The following ARSG variants were observed in gnomAD, a reference collection of about 807,000 sequenced individuals.
The protein encoded by ARSG is ASG.
A neutral mutation model predicts 50.5 loss-of-function variants in ARSG; 37 were observed. The ratio of observed to expected loss-of-function variants is 0.73; its 90% CI spans 0.56 to 0.96. The LOEUF is 0.96. Among genes scored for constraint, ARSG ranks in the 50% least tolerant of loss-of-function variants. The pLI, the probability that ARSG is intolerant of heterozygous loss-of-function variation, is 0.00. For missense variants in ARSG, 629 were observed against 675.3 expected (o/e 0.93, Z 0.76); for synonymous variants, 225 against 254.6 (o/e 0.88, Z 1.11).
intron 7 of ARSG, 41 bp from the exon 8 acceptor site, chr17:68,370,403 C>T (rs1223462920): frequency 6.3e-7 from 1 of 1,599,372 alleles, no homozygotes; most frequent in Non-Finnish European, 8.6e-7. Flanking sequence ...CGAAAGTGTC[C>T]AACCAGCCTG....
upstream of ARSG, among the ~76,000 whole-genome samples, chr17:68,288,517 G>A (rs886098261): frequency 1.3e-4 from 20 of 152,228 alleles, no homozygotes; most frequent in African/African-American, 4.3e-4. Flanking sequence ...CTGGTGAGGC[G>A]AGCTGAGTCA....
chr17:68,426,678 G>C (rs1412047685), downstream of ARSG, among the ~76,000 whole-genome samples: 2 of 152,108 alleles, frequency 1.3e-5, no homozygotes, highest in African/African-American at 4.8e-5. Context: ...GATTGCAAGT[G>C]TGTGCCAACA....
intron 10 of ARSG, among the ~76,000 whole-genome samples, chr17:68,397,080 C>T (rs1369791452): frequency 6.6e-6 from 1 of 152,170 alleles, no homozygotes; most frequent in African/African-American, 2.4e-5. Flanking sequence ...GGAGCCAGCT[C>T]CTTCATGTAC....
At chr17:68,408,011 C>CT (rs77397594) in intron 11 of ARSG, among the ~76,000 whole-genome samples, 4,508 of 129,706 alleles carry the variant, frequency 0.035, 223 homozygotes, top group African/African-American at 0.11. Flanking sequence ...CTGTGGGTTT[C>CT]TTTTTTTTTT....
intron 1 of ARSG, chr17:68,278,168 G>A (rs1555751614): frequency 6.2e-7 from 1 of 1,613,938 alleles, no homozygotes; most frequent in Non-Finnish European, 8.5e-7. Flanking sequence ...TGTCCATTAA[G>A]TCATTAAAGA....
At chr17:68,332,871 A>C (rs2077837078) in intron 2 of ARSG, among the ~76,000 whole-genome samples, 1 of 152,228 alleles carries the variant, frequency 6.6e-6, no homozygotes. Flanking sequence ...AAGAGACAAC[A>C]CCAGTAAGCT....
rs1168357106 is a variant in ARSG, at chr17:68,331,241, C to CTTTG, written c.219-12360_219-12359insGTTT. On this transcript the variant is annotated intron_variant, in intron 2 of 11. Coordinates refer to ENST00000621439, the MANE Select transcript of ARSG (RefSeq NM_001267727.2). The stretch of plus-strand genomic sequence containing the variant: ...TCTTTCTTTCTTTCTTTGTTTCTTT[C>CTTTG]TTTCTTTCTTTCTTTCTTTCTTTTT... Among the ~76,000 whole-genome samples, 24 of 82,610 alleles carry CTTTG rather than the reference C, an allele frequency of 2.9e-4. 1 individual carries two copies. The highest frequency in any genetic ancestry group is 4.2e-4 in the South Asian group (1 of 2,402). The allele number at this position is 82,610 out of a possible 152,430, so 54.2% of individuals were successfully genotyped here.
chr17:68,296,929 A>G (rs1439143249), intron 1 of ARSG, among the ~76,000 whole-genome samples: 1 of 152,348 alleles, frequency 6.6e-6, no homozygotes, highest in Admixed American at 6.5e-5. Context: ...GTTGAGGGGA[A>G]TGATGAGATG....
Position 68,368,569 on chromosome 17 carries a change from G to A in ARSG, c.726G>A (p.Leu242=). Residue 242 remains leucine, a synonymous_variant, in exon 7 of 12, where the codon CTG becomes CTA. Transcript: ENST00000621439. ...TCAGCACCAGCGGGAGGCCCTTCCT[G>A]CTCTATGTGGCTCTGGCCCACATGC... is the stretch of plus-strand genomic sequence containing the variant. ...QRASTSGRPF[L]LYVALAHMHV... 6.2e-7 allele frequency: 1 copy of A among 1,614,002 alleles called. No homozygotes were observed. The highest frequency in any genetic ancestry group is 8.5e-7 in the Non-Finnish European group (1 of 1,179,998).
At chr17:68,316,260 C>T (rs998024533) in intron 2 of ARSG, among the ~76,000 whole-genome samples, 8 of 152,178 alleles carry the variant, frequency 5.3e-5, no homozygotes, top group Non-Finnish European at 1.0e-4. Flanking sequence ...CTTTCCTGAC[C>T]GTGCTCTCCA....
intron 7 of ARSG, among the ~76,000 whole-genome samples, chr17:68,370,025 TA>T (rs1418844358): frequency 6.6e-6 from 1 of 152,174 alleles, no homozygotes; most frequent in Non-Finnish European, 1.5e-5. Flanking sequence ...TATATTTATT[TA>T]TTTTTTTAGA....
At chr17:68,352,116 A>AG (rs1210937402) in intron 5 of ARSG, among the ~76,000 whole-genome samples, 33 of 68,254 alleles carry the variant, frequency 4.8e-4, no homozygotes, top group Middle Eastern at 8.1e-3. Flanking sequence ...AGAGAGAGAC[A>AG]GAGGAGAGAG....
At chr17:68,296,120 A>G (rs2076198285) in intron 1 of ARSG, among the ~76,000 whole-genome samples, 1 of 152,174 alleles carries the variant, frequency 6.6e-6, no homozygotes, top group Non-Finnish European at 1.5e-5. Context: ...TTTAAATCAC[A>G]TTACATTTAG....
At chr17:68,397,840 C>T (rs371297047) in intron 10 of ARSG, among the ~76,000 whole-genome samples, 3 of 152,150 alleles carry the variant, frequency 2.0e-5, no homozygotes, top group African/African-American at 7.2e-5. Flanking sequence ...AATCTTGGCT[C>T]ACTGCAACCT....
At chr17:68,358,273 C>T (rs538120017) in intron 6 of ARSG, among the ~76,000 whole-genome samples, 5 of 152,080 alleles carry the variant, frequency 3.3e-5, no homozygotes, top group African/African-American at 4.8e-5. Flanking sequence ...GGGCTGTGTG[C>T]GGTGGCTCCT....
chr17:68,369,155 C>T (rs1014929104), intron 7 of ARSG, among the ~76,000 whole-genome samples: 11 of 152,192 alleles, frequency 7.2e-5, no homozygotes, highest in Admixed American at 7.2e-4. Context: ...GCTGAGTGGC[C>T]TTAGCGAGCT....
intron 11 of ARSG, 32 bp downstream of exon 11, chr17:68,401,482 A>C: frequency 6.2e-7 from 1 of 1,602,558 alleles, no homozygotes. Context: ...CCTGCCTCCC[A>C]CAGTCACAGC....
intron 8 of ARSG, among the ~76,000 whole-genome samples, chr17:68,384,644 T>C (rs570624048): frequency 2.0e-4 from 30 of 152,348 alleles, no homozygotes; most frequent in African/African-American, 6.0e-4. Context: ...TTCTTCATCC[T>C]AAACAGACAG....
rs781920049 is a variant in ARSG at position 68,307,460 on chromosome 17, C to T, written c.-34C>T. ...AAAAATCTCTAGTGGTGGCTGCCGT[C>T]GCTCCAGACAATCGGAATCCTGCCT... On this transcript the variant is annotated 5_prime_UTR_variant, in exon 2 of 12. Transcript: ENST00000621439. 80 of 1,552,376 alleles carry T rather than the reference C, an allele frequency of 5.2e-5. No individual in the cohort carries two copies. The highest frequency in any genetic ancestry group is 6.7e-5 in the Non-Finnish European group (76 of 1,130,252).
Sources: allele counts gnomAD v4.1 joint callset (sites outside exome capture counted in the v4.1 genomes callset), GRCh38; gene constraint gnomAD v4.1.1; transcripts MANE v1.5; gene names NCBI Gene and HGNC (gene_info 2026-07-23, HGNC 2026-07-21).